VWA8: variants seen among roughly 807,000 people sequenced by gnomAD.
VWA8 encodes the protein von Willebrand factor A domain-containing protein 8.
VWA8 carries 221 observed loss-of-function variants against 241.5 expected under a neutral mutation model. The ratio of observed to expected loss-of-function variants is 0.91; its 90% CI spans 0.82 to 1.02. The LOEUF is 1.02. VWA8 is among the 50% of genes least tolerant of loss of function. The pLI is 0.00. For synonymous variants in VWA8, 852 were observed against 827.1 expected (o/e 1.03, Z -0.52); for missense variants, 2,322 against 2,328.7 (o/e 1.00, Z 0.06).
intron 1 of VWA8, among the ~76,000 whole-genome samples, chr13:41,960,015 A>G (rs117166704): frequency 0.016 from 2,402 of 152,282 alleles, 29 homozygotes; most frequent in South Asian, 0.054. Context: ...AGCAGCACTG[A>G]CATTGACAAA....
At chr13:41,570,941 G>A (rs1034753709) in intron 43 of VWA8, among the ~76,000 whole-genome samples, 1 of 152,172 alleles carries the variant, frequency 6.6e-6, no homozygotes, top group Non-Finnish European at 1.5e-5. Context: ...AATTATCACA[G>A]TGGGCACTTA....
chr13:41,682,129 T>G (rs1288643408), intron 35 of VWA8, among the ~76,000 whole-genome samples: 3 of 152,056 alleles, frequency 2.0e-5, no homozygotes, highest in African/African-American at 7.2e-5. Flanking sequence ...AATATAAAGC[T>G]ATAAAGCAAT....
intron 36 of VWA8, among the ~76,000 whole-genome samples, chr13:41,672,083 T>C (rs1271593056): frequency 1.3e-5 from 2 of 152,174 alleles, no homozygotes; most frequent in African/African-American, 4.8e-5. Context: ...TACCAGTTCA[T>C]ACCTCACACG....
intron 12 of VWA8, among the ~76,000 whole-genome samples, chr13:41,863,499 A>G (rs1208854846): frequency 6.7e-6 from 1 of 148,262 alleles, no homozygotes; most frequent in African/African-American, 2.5e-5. Flanking sequence ...GTCTATATAT[A>G]TTAGTTCAGT....
At chr13:41,907,030 A>G (rs1458602313) in intron 4 of VWA8, among the ~76,000 whole-genome samples, 3 of 152,098 alleles carry the variant, frequency 2.0e-5, no homozygotes, top group African/African-American at 7.2e-5. Flanking sequence ...TCCTTTTTCT[A>G]TTAAATACTC....
At chr13:41,792,311 A>G (rs548183765) in intron 17 of VWA8, among the ~76,000 whole-genome samples, 102 of 152,020 alleles carry the variant, frequency 6.7e-4, no homozygotes, top group South Asian at 1.5e-3. Flanking sequence ...TTATAGTGTC[A>G]TATAACTGGA....
intron 14 of VWA8, among the ~76,000 whole-genome samples, chr13:41,823,947 G>A (rs1871070880): frequency 6.6e-6 from 1 of 152,184 alleles, no homozygotes; most frequent in Non-Finnish European, 1.5e-5. Context: ...TCAGTTAATA[G>A]ACTTTGTCAT....
intron 21 of VWA8, among the ~76,000 whole-genome samples, chr13:41,745,913 G>A (rs994896418): frequency 6.6e-6 from 1 of 151,778 alleles, no homozygotes; most frequent in Non-Finnish European, 1.5e-5. Flanking sequence ...GAATATCACT[G>A]ATTTCATCAT....
intron 9 of VWA8, among the ~76,000 whole-genome samples, chr13:41,870,848 G>C (rs1185823220): frequency 2.6e-5 from 4 of 151,964 alleles, no homozygotes; most frequent in Admixed American, 2.0e-4. Context: ...AATAATTAAA[G>C]CTAAAATATT....
At chr13:41,770,412 G>A (rs1214562698) in intron 20 of VWA8, among the ~76,000 whole-genome samples, 3 of 147,888 alleles carry the variant, frequency 2.0e-5, no homozygotes, top group African/African-American at 7.5e-5. Context: ...CTGCACTACA[G>A]CCTGGGCGAC....
chr13:41,935,041 T>C (rs1292082470), intron 2 of VWA8, among the ~76,000 whole-genome samples: 11 of 152,110 alleles, frequency 7.2e-5, no homozygotes, highest in Admixed American at 3.9e-4. Context: ...TTATGTTTTA[T>C]ATTTGTAATA....
chr13:41,877,537 T>C (rs1006280270), intron 9 of VWA8, among the ~76,000 whole-genome samples: 1 of 152,128 alleles, frequency 6.6e-6, no homozygotes, highest in African/African-American at 2.4e-5. Context: ...TATATGCATA[T>C]AATTTGCCAA....
chr13:41,749,078 A>G (rs2045633152), intron 21 of VWA8, among the ~76,000 whole-genome samples: 1 of 152,220 alleles, frequency 6.6e-6, no homozygotes, highest in Admixed American at 6.5e-5. Context: ...GGCAACCTAC[A>G]GAATAGAAGA....
intron 1 of VWA8, among the ~76,000 whole-genome samples, chr13:41,951,515 AC>A (rs1207352027): frequency 1.3e-5 from 2 of 152,224 alleles, no homozygotes; most frequent in South Asian, 2.1e-4. Context: ...TTTTAATGTA[AC>A]CTTAATTTCC....
intron 9 of VWA8, among the ~76,000 whole-genome samples, chr13:41,877,583 T>C (rs1003290318): frequency 1.4e-4 from 21 of 152,016 alleles, no homozygotes; most frequent in African/African-American, 5.1e-4. Flanking sequence ...TTGAACTAAA[T>C]AAAAATACTA....
intron 21 of VWA8, among the ~76,000 whole-genome samples, chr13:41,734,201 G>A (rs1022590150): frequency 6.6e-6 from 1 of 152,132 alleles, no homozygotes; most frequent in Non-Finnish European, 1.5e-5. Context: ...AGCCAGGAGT[G>A]GTGGCACGTG....
chr13:41,690,373 T>C (rs1395102501), intron 32 of VWA8, 98 bp from the exon 33 acceptor site: 2 of 969,376 alleles, frequency 2.1e-6, no homozygotes, highest in Non-Finnish European at 3.0e-6. Context: ...CAGTCTCTTT[T>C]TTATAGTTCC....
rs144692973 is a variant in VWA8 at position 41,923,124 on chromosome 13, T to C, written c.242-10956A>G. On this transcript the variant is annotated intron_variant, in intron 2 of 44. Transcript: ENST00000379310. ...GCAGCCATAAAAAAGGATGAGTTCA[T>C]GTCCTTTGTAGGGACATGGATGAAG... Among the ~76,000 whole-genome samples, 952 of 152,316 alleles carry C rather than the reference T, an allele frequency of 6.3e-3. 6 individuals carry two copies. Among genetic ancestry groups the C allele is most frequent in the African/African-American group, 0.022 (905 of 41,560 alleles).
chr13:41,594,345 G>A (rs1046907018), intron 40 of VWA8, among the ~76,000 whole-genome samples: 1 of 151,530 alleles, frequency 6.6e-6, no homozygotes, highest in Non-Finnish European at 1.5e-5. Flanking sequence ...GCCCAGGTTG[G>A]TCTCAAACTC....
Sources: allele counts gnomAD v4.1 joint callset (sites outside exome capture counted in the v4.1 genomes callset), GRCh38; gene constraint gnomAD v4.1.1; transcripts MANE v1.5; gene names NCBI Gene and HGNC (gene_info 2026-07-23, HGNC 2026-07-21).